Variants in KLHL14 observed in about 807,000 individuals in gnomAD.
KLHL14 encodes the protein kelch-like protein 14.
Under a neutral mutation model 64.3 loss-of-function variants are expected in KLHL14, and 22 were observed. That is an observed-to-expected ratio of 0.34 (90% CI 0.24 to 0.49). The LOEUF (loss-of-function observed/expected upper bound fraction) is 0.49. Among genes scored for constraint, KLHL14 ranks in the 20% least tolerant of loss-of-function variants. KLHL14 has a pLI of 0.99. For missense variants in KLHL14, 661 were observed against 789.0 expected (o/e 0.84, Z 1.94); for synonymous variants, 322 against 333.4 (o/e 0.97, Z 0.37).
intron 3 of KLHL14, among the ~76,000 whole-genome samples, chr18:32,696,017 G>A (rs2049935154): frequency 1.3e-5 from 2 of 152,078 alleles, no homozygotes; most frequent in South Asian, 4.1e-4. Flanking sequence ...AGGGTGCTTG[G>A]TCGCTTTCTA....
intron 2 of KLHL14, among the ~76,000 whole-genome samples, chr18:32,768,128 C>T (rs118170585): frequency 6.6e-6 from 1 of 152,108 alleles, no homozygotes; most frequent in Non-Finnish European, 1.5e-5. Flanking sequence ...TCCTCATTGG[C>T]CTCTTGTGCT....
chr18:32,706,397 G>A (rs1467211589), intron 3 of KLHL14, among the ~76,000 whole-genome samples: 12 of 152,172 alleles, frequency 7.9e-5, no homozygotes, highest in Non-Finnish European at 1.5e-5. Flanking sequence ...AAGCAGTGCA[G>A]GTCAGAGTAT....
chr18:32,734,186 T>G (rs1388400215), intron 3 of KLHL14: 2 of 702,930 alleles, frequency 2.8e-6, no homozygotes, highest in Non-Finnish European at 5.2e-6. Context: ...GTTTTCCTCC[T>G]TCTGAACTCT....
chr18:32,768,215 G>A (rs972545717), intron 2 of KLHL14, among the ~76,000 whole-genome samples: 1 of 151,976 alleles, frequency 6.6e-6, no homozygotes, highest in Non-Finnish European at 1.5e-5. Flanking sequence ...AACACGATTC[G>A]TTAACTCATC....
At chr18:32,721,171 C>T (rs138571351) in intron 3 of KLHL14, among the ~76,000 whole-genome samples, 86 of 152,272 alleles carry the variant, frequency 5.6e-4, no homozygotes, top group African/African-American at 1.9e-3. Flanking sequence ...ATCATGCCCT[C>T]AATTCCATGC....
At chr18:32,726,874 C>T (rs2050110799) in intron 3 of KLHL14, among the ~76,000 whole-genome samples, 1 of 152,132 alleles carries the variant, frequency 6.6e-6, no homozygotes, top group African/African-American at 2.4e-5. Flanking sequence ...ATGCTACTAA[C>T]CCACTTTCAG....
chr18:32,743,608 C>T (rs1568080605), intron 2 of KLHL14: 1 of 152,110 alleles, frequency 6.6e-6, no homozygotes, highest in Non-Finnish European at 1.5e-5. Context: ...ATAGTTGAGC[C>T]AAAAGGAAAA....
chr18:32,689,707 G>T (rs984626229), intron 4 of KLHL14, among the ~76,000 whole-genome samples: 2 of 152,158 alleles, frequency 1.3e-5, no homozygotes, highest in African/African-American at 4.8e-5. Context: ...GAAGGAATGA[G>T]GAACAGACTT....
At chr18:32,695,784 T>G (rs1031272052) in intron 3 of KLHL14, among the ~76,000 whole-genome samples, 10 of 152,122 alleles carry the variant, frequency 6.6e-5, no homozygotes, top group Non-Finnish European at 4.4e-5. Flanking sequence ...TAATTTTACA[T>G]AATGTGATTC....
At position 32,683,958 on chromosome 18, in the gene KLHL14, A is replaced by G. The variant is rs1025361619; in HGVS notation, c.1238+3197T>C. 2.0e-5 allele frequency among the ~76,000 whole-genome samples: 3 copies of G among 152,186 alleles called. No homozygotes were observed. The highest frequency in any genetic ancestry group is 4.4e-5 in the Non-Finnish European group (3 of 68,030). ...TTAAAATTTGATGCATTTTTGACAT[A>G]TTAAGTTCTTGTCTTTTATTTACTC... On this transcript the variant is annotated intron_variant, in intron 5 of 8. Coordinates refer to ENST00000359358, the MANE Select transcript of KLHL14 (RefSeq NM_020805.3). This position sits in a 1 kb window ranked among gnomAD's most constrained non-coding sequence, Gnocchi z 4.2.
Position 32,770,077 on chromosome 18 carries a change from A to T in KLHL14, c.515T>A (p.Leu172His). The T allele has an allele frequency of 3.7e-6, 6 of 1,613,992 alleles. No homozygotes were observed. Among genetic ancestry groups the T allele is most frequent in the Non-Finnish European group, 5.1e-6 (6 of 1,179,986 alleles). Residue 172 changes from leucine (L) to histidine (H), a missense_variant, in exon 2 of 9, where the codon CTC (leucine) becomes CAC (histidine). This residue lies in a region of KLHL14 where 331 missense variants were observed against 339.0 expected (regional missense o/e 0.98). Coordinates refer to ENST00000359358, the MANE Select transcript of KLHL14 (RefSeq NM_020805.3). The surrounding 1 kb of genome is among the most constrained non-coding windows in gnomAD (Gnocchi z 6.7). ...CTGGTCGTTGAGGAACTGCACGCAG[A>T]GCTTGGTGACCTGGGGGATGTGCAG... is the stretch of plus-strand genomic sequence containing the variant. ...KILHIPQVTK[L>H]CVQFLNDQIS...
intron 7 of KLHL14, among the ~76,000 whole-genome samples, chr18:32,679,373 A>G (rs957698434): frequency 2.0e-5 from 3 of 152,174 alleles, no homozygotes; most frequent in Non-Finnish European, 4.4e-5. Context: ...ATTTAGCTCA[A>G]TTTCAGCGAT....
chr18:32,693,085 G>A (rs556547771), intron 4 of KLHL14, among the ~76,000 whole-genome samples: 1 of 152,270 alleles, frequency 6.6e-6, no homozygotes, highest in East Asian at 1.9e-4. Flanking sequence ...CCTGGCTGCT[G>A]AATGCTGGCT....
intron 7 of KLHL14, among the ~76,000 whole-genome samples, chr18:32,679,158 A>G (rs936444685): frequency 6.6e-6 from 1 of 152,196 alleles, no homozygotes; most frequent in Non-Finnish European, 1.5e-5. Context: ...GGCATTTCTG[A>G]ACATGAACTT....
At chr18:32,720,108 G>A (rs544195484) in intron 3 of KLHL14, among the ~76,000 whole-genome samples, 1 of 152,334 alleles carries the variant, frequency 6.6e-6, no homozygotes, top group East Asian at 1.9e-4. Context: ...CTGGGTGTCA[G>A]CAGGACATTT....
chr18:32,719,481 A>G (rs2050065000), intron 3 of KLHL14, among the ~76,000 whole-genome samples: 1 of 152,232 alleles, frequency 6.6e-6, no homozygotes, highest in South Asian at 2.1e-4. Context: ...AGACCTCACT[A>G]TATAACATTT....
At chr18:32,771,320 G>A (rs1375501808) in intron 1 of KLHL14, among the ~76,000 whole-genome samples, 2 of 152,164 alleles carry the variant, frequency 1.3e-5, no homozygotes, top group Non-Finnish European at 2.9e-5. Flanking sequence ...AAGTGCAGCG[G>A]AGCGCGGTGA....
intron 5 of KLHL14, among the ~76,000 whole-genome samples, chr18:32,681,459 T>C (rs1036245185): frequency 1.3e-5 from 2 of 152,114 alleles, no homozygotes; most frequent in Non-Finnish European, 2.9e-5. Context: ...TGGCAAGTAA[T>C]AAAATATGAG....
In KLHL14 at chr18:32,770,804, T is replaced by C. The variant is rs1400175918; in HGVS notation, c.-43-170A>G. 3 of 511,186 alleles carry C rather than the reference T, an allele frequency of 5.9e-6. No homozygotes were observed. The highest frequency in any genetic ancestry group is 6.6e-5 in the East Asian group (2 of 30,498). The allele number at this position is 511,186 out of a possible 1,614,324, so 31.7% of individuals were successfully genotyped here. A position where few individuals can be genotyped will look rare whatever the true frequency, so the allele number is the denominator to read the frequency against. ...CCGGACCCCGACCCTAGGAGGAAAG[T>C]CCGAAGACGCTGGATCCGTGAGCGC... On this transcript the variant is annotated intron_variant, in intron 1 of 8. Coordinates refer to ENST00000359358, the MANE Select transcript of KLHL14 (RefSeq NM_020805.3). The surrounding 1 kb of genome is among the most constrained non-coding windows in gnomAD (Gnocchi z 6.7).
Sources: allele counts gnomAD v4.1 joint callset (sites outside exome capture counted in the v4.1 genomes callset), GRCh38; gene constraint gnomAD v4.1.1; regional missense constraint gnomAD v4.1.1; non-coding constraint Gnocchi (gnomAD v3.1); transcripts MANE v1.5; gene names NCBI Gene and HGNC (gene_info 2026-07-23, HGNC 2026-07-21).